Variants in DLGAP2 observed in about 807,000 individuals in gnomAD.
DLGAP2 encodes the protein disks large-associated protein 2.
In DLGAP2, 26 loss-of-function variants were observed where a neutral mutation model predicts 100.3. The ratio of observed to expected loss-of-function variants is 0.26; its 90% CI spans 0.19 to 0.36. The LOEUF is 0.36. Ranked by LOEUF, DLGAP2 falls within the 10% of genes least tolerant of loss-of-function variation. The pLI is 1.00. For synonymous variants in DLGAP2, 886 were observed against 630.1 expected (o/e 1.41, Z -6.08); for missense variants, 1,858 against 1,453.2 (o/e 1.28, Z -4.53).
chr8:1,318,963 G>A (rs531430440), intron 3 of DLGAP2, among the ~76,000 whole-genome samples: 3 of 152,158 alleles, frequency 2.0e-5, no homozygotes, highest in African/African-American at 7.2e-5. Context: ...CCTGTGAGAT[G>A]GGAATCGACA....
chr8:903,786 A>C (rs1330892663), intron 1 of DLGAP2, among the ~76,000 whole-genome samples: 2 of 152,198 alleles, frequency 1.3e-5, no homozygotes, highest in Non-Finnish European at 2.9e-5. Context: ...TTGGAAATAG[A>C]GTCTTGGGGG....
chr8:1,675,105 G>T (rs941097842), intron 10 of DLGAP2, among the ~76,000 whole-genome samples: 4 of 152,184 alleles, frequency 2.6e-5, no homozygotes, highest in African/African-American at 9.7e-5. Context: ...TCTAGGGTCA[G>T]CTTCTGCAAA....
chr8:1,447,339 A>G (rs976071724), intron 3 of DLGAP2, among the ~76,000 whole-genome samples: 2 of 152,352 alleles, frequency 1.3e-5, no homozygotes, highest in African/African-American at 2.4e-5. Context: ...ATCTATTGAG[A>G]TAATCATGTG....
chr8:823,624 C>T (rs966231830), intron 1 of DLGAP2, among the ~76,000 whole-genome samples: 1 of 152,108 alleles, frequency 6.6e-6, no homozygotes, highest in Non-Finnish European at 1.5e-5. Context: ...TCCTGGGACA[C>T]GCACCCCAGC....
chr8:959,981 A>T lies in DLGAP2; in HGVS notation c.73+52015A>T, dbSNP rs527713326. On this transcript the variant is annotated intron_variant, in intron 2 of 14. Coordinates refer to ENST00000637795, the MANE Select transcript of DLGAP2 (RefSeq NM_001346810.2). The stretch of plus-strand genomic sequence containing the variant: ...AGTTATGCTAGGTATAAAACTGAGT[A>T]TTGTTCTACAGGGCAATAAACTGAT... Among the ~76,000 whole-genome samples, 3 of 152,302 alleles carry T rather than the reference A, an allele frequency of 2.0e-5. No homozygotes were observed. In the East Asian group the frequency reaches 5.8e-4, roughly 29 times the overall value.
chr8:1,331,667 C>T (rs1004945704), intron 3 of DLGAP2, among the ~76,000 whole-genome samples: 8 of 152,168 alleles, frequency 5.3e-5, no homozygotes, highest in Non-Finnish European at 8.8e-5. Flanking sequence ...ATACGACAAA[C>T]GTGGTAAAAA....
chr8:1,242,950 G>T (rs897793908), intron 2 of DLGAP2, among the ~76,000 whole-genome samples: 99 of 152,256 alleles, frequency 6.5e-4, no homozygotes, highest in Non-Finnish European at 1.3e-3. Flanking sequence ...TAGATGGATG[G>T]ATGGACAGAA....
rs781143848 is a variant in DLGAP2, at chr8:1,537,241, G to A, written c.173-11385G>A. Among the ~76,000 whole-genome samples, 29 of 152,270 alleles carry A rather than the reference G, an allele frequency of 1.9e-4. 1 individual carries two copies. The highest frequency in any genetic ancestry group is 6.2e-4 in the South Asian group (3 of 4,830). On this transcript the variant is annotated intron_variant, in intron 4 of 14. Transcript: ENST00000637795. ...AAAGCATGTGCATCTGTGTGTTTGC[G>A]TGTGCGTGCAAGTTTGTGCATGTGC...
intron 1 of DLGAP2, among the ~76,000 whole-genome samples, chr8:827,991 T>G (rs1259640335): frequency 2.0e-5 from 3 of 152,100 alleles, no homozygotes; most frequent in Non-Finnish European, 1.5e-5. Flanking sequence ...CCAGCAAGTC[T>G]TTATTAGGGA....
At chr8:1,541,086 T>C (rs1329955358) in intron 4 of DLGAP2, among the ~76,000 whole-genome samples, 1 of 152,176 alleles carries the variant, frequency 6.6e-6, no homozygotes, top group Admixed American at 6.5e-5. Context: ...ATATTAACCA[T>C]GTGTTATTCG....
At chr8:1,007,244 T>C (rs377722559) in intron 2 of DLGAP2, among the ~76,000 whole-genome samples, 2 of 152,222 alleles carry the variant, frequency 1.3e-5, no homozygotes, top group Admixed American at 6.5e-5. Context: ...TCCCACACTC[T>C]TCACGTGTCT....
chr8:1,148,253 A>T (rs1408627348), intron 2 of DLGAP2, among the ~76,000 whole-genome samples: 1 of 152,182 alleles, frequency 6.6e-6, no homozygotes, highest in Non-Finnish European at 1.5e-5. Flanking sequence ...ATAGAAAATT[A>T]GTTACACCAC....
At chr8:1,145,420 G>C (rs925143305) in intron 2 of DLGAP2, among the ~76,000 whole-genome samples, 1 of 152,216 alleles carries the variant, frequency 6.6e-6, no homozygotes, top group Non-Finnish European at 1.5e-5. Flanking sequence ...GGCTGAGCTG[G>C]TGTGTGGTGT....
chr8:744,349 G>A (rs1382999832), intron 1 of DLGAP2, among the ~76,000 whole-genome samples: 1 of 152,194 alleles, frequency 6.6e-6, no homozygotes, highest in African/African-American at 2.4e-5. Context: ...GCCACTCTGT[G>A]AGGAAGGGTC....
At chr8:1,455,444 C>G (rs1437969772) in intron 3 of DLGAP2, among the ~76,000 whole-genome samples, 3 of 152,232 alleles carry the variant, frequency 2.0e-5, no homozygotes, top group East Asian at 1.9e-4. Flanking sequence ...GGGGAGAGAG[C>G]TGAAAGGAAG....
intron 1 of DLGAP2, among the ~76,000 whole-genome samples, chr8:746,575 C>T (rs1478054284): frequency 6.6e-6 from 1 of 152,272 alleles, no homozygotes; most frequent in East Asian, 1.9e-4. Flanking sequence ...CTGCACCTGA[C>T]ACCTTGCTGG....
chr8:1,366,606 G>A (rs538272189), intron 3 of DLGAP2, among the ~76,000 whole-genome samples: 1 of 152,160 alleles, frequency 6.6e-6, no homozygotes, highest in Non-Finnish European at 1.5e-5. Flanking sequence ...GTGTACAGGG[G>A]CACAGGAACA....
intron 2 of DLGAP2, among the ~76,000 whole-genome samples, chr8:917,806 C>T (rs1798627616): frequency 6.6e-6 from 1 of 151,876 alleles, no homozygotes; most frequent in Non-Finnish European, 1.5e-5. Flanking sequence ...GTCTCAATCT[C>T]CTGACCTCGG....
chr8:1,444,771 C>CTTTTTT (rs914045708), intron 3 of DLGAP2, among the ~76,000 whole-genome samples: 62 of 79,852 alleles, frequency 7.8e-4, no homozygotes, highest in African/African-American at 2.3e-3. Flanking sequence ...CCAGGTCATT[C>CTTTTTT]TTTTTTTTTT....
Sources: gnomAD v4.1 joint callset for allele counts (sites outside exome capture counted in the v4.1 genomes callset) on GRCh38, gnomAD v4.1.1 for gene constraint, MANE v1.5 for transcripts, NCBI Gene and HGNC (gene_info 2026-07-23, HGNC 2026-07-21) for gene names.